The following IL1RAPL1 variants were observed in gnomAD, a reference collection of about 807,000 sequenced individuals.
IL1RAPL1 encodes interleukin 1 receptor accessory protein like 1.
Under a neutral mutation model 48.4 loss-of-function variants are expected in IL1RAPL1, and 3 were observed. The observed-to-expected ratio is 0.06, with a 90% CI of 0.03 to 0.16. The LOEUF (loss-of-function observed/expected upper bound fraction) is 0.16. Among genes scored for constraint, IL1RAPL1 ranks in the 10% least tolerant of loss-of-function variants. IL1RAPL1 has a pLI of 1.00. For synonymous variants in IL1RAPL1, 185 were observed against 187.7 expected (o/e 0.99, Z 0.12); for missense variants, 349 against 530.6 (o/e 0.66, Z 3.36).
At chrX:29,299,885 T>C (rs1932506027) in intron 3 of IL1RAPL1, among the ~76,000 whole-genome samples, 1 of 112,024 alleles carries the variant, frequency 8.9e-6, no homozygotes, top group Non-Finnish European at 1.9e-5. Context: ...GTAATGCGGG[T>C]GTGTCCTTCA....
At chrX:28,643,987 G>T (rs1304559705) in intron 1 of IL1RAPL1, among the ~76,000 whole-genome samples, 1 of 111,674 alleles carries the variant, frequency 9.0e-6, no homozygotes, top group Non-Finnish European at 1.9e-5. Flanking sequence ...AAACATCTTT[G>T]CCCTATTATG....
At chrX:29,053,347 A>T (rs934384800) in intron 2 of IL1RAPL1, among the ~76,000 whole-genome samples, 1 of 111,724 alleles carries the variant, frequency 9.0e-6, no homozygotes, top group African/African-American at 3.3e-5. Flanking sequence ...ATACACATAC[A>T]TATGTCTTTA....
intron 1 of IL1RAPL1, among the ~76,000 whole-genome samples, chrX:28,716,482 G>T (rs1935505687): frequency 9.0e-6 from 1 of 111,582 alleles, no homozygotes; most frequent in Non-Finnish European, 1.9e-5. Context: ...ATATGCAGAA[G>T]ATTGAAACTG....
intron 2 of IL1RAPL1, among the ~76,000 whole-genome samples, chrX:28,829,100 T>C (rs1920991927): frequency 8.9e-6 from 1 of 112,160 alleles, no homozygotes; most frequent in Non-Finnish European, 1.9e-5. Context: ...TTATTTTTGA[T>C]ATTATTGTAA....
chrX:29,462,243 G>A (rs1010675424), intron 5 of IL1RAPL1, among the ~76,000 whole-genome samples: 1 of 111,488 alleles, frequency 9.0e-6, no homozygotes, highest in South Asian at 3.8e-4. Context: ...TATGTTCATA[G>A]TTTTCAAGGG....
At chrX:29,566,018 G>A (rs770256573) in intron 5 of IL1RAPL1, among the ~76,000 whole-genome samples, 10 of 109,231 alleles carry the variant, frequency 9.2e-5, no homozygotes, top group Non-Finnish European at 1.7e-4. Flanking sequence ...TCGCGATTTC[G>A]GCTCACTGCA....
intron 3 of IL1RAPL1, among the ~76,000 whole-genome samples, chrX:29,379,972 A>G (rs1933673923): frequency 9.1e-6 from 1 of 109,740 alleles, no homozygotes; most frequent in African/African-American, 3.3e-5. Flanking sequence ...ACTTCATGAG[A>G]TGTATTTTTT....
intron 5 of IL1RAPL1, among the ~76,000 whole-genome samples, chrX:29,520,689 T>G (rs1223504069): frequency 8.9e-6 from 1 of 111,799 alleles, no homozygotes; most frequent in East Asian, 2.8e-4. Context: ...AGTTTGTTCT[T>G]GCTCCCAAAT....
At chrX:28,743,572 T>C (rs889409381) in intron 1 of IL1RAPL1, among the ~76,000 whole-genome samples, 4 of 110,529 alleles carry the variant, frequency 3.6e-5, no homozygotes, top group African/African-American at 1.3e-4. Context: ...AATGCTCCAA[T>C]TGGACCTCTA....
chrX:29,511,118 A>T (rs181777308), intron 5 of IL1RAPL1, among the ~76,000 whole-genome samples: 1 of 111,958 alleles, frequency 8.9e-6, no homozygotes, highest in East Asian at 2.8e-4. Context: ...TTTAGAAAGT[A>T]GAAAGTTCTT....
intron 2 of IL1RAPL1, among the ~76,000 whole-genome samples, chrX:28,957,211 C>G (rs971234164): frequency 9.0e-6 from 1 of 110,852 alleles, no homozygotes; most frequent in East Asian, 2.8e-4. Context: ...TGCAGCGCAC[C>G]AGCATGGCAC....
At chrX:29,229,696 G>A (rs1002629061) in intron 2 of IL1RAPL1, among the ~76,000 whole-genome samples, 11 of 112,224 alleles carry the variant, frequency 9.8e-5, no homozygotes, top group African/African-American at 3.2e-4. Context: ...TTTATGCCTC[G>A]CATGCAATGC....
At chrX:29,266,169 A>T (rs768582275) in intron 2 of IL1RAPL1, among the ~76,000 whole-genome samples, 1 of 111,707 alleles carries the variant, frequency 9.0e-6, no homozygotes, top group African/African-American at 3.2e-5. Flanking sequence ...ATGCACACGT[A>T]TATTTATTGC....
intron 1 of IL1RAPL1, among the ~76,000 whole-genome samples, chrX:28,624,001 G>A (rs971030952): frequency 9.0e-6 from 1 of 111,520 alleles, no homozygotes; most frequent in Non-Finnish European, 1.9e-5. Flanking sequence ...TTCAACTGTG[G>A]GAAGGAAAAA....
intron 6 of IL1RAPL1, among the ~76,000 whole-genome samples, chrX:29,816,622 A>G (rs2147180834): frequency 9.0e-6 from 1 of 111,206 alleles, no homozygotes; most frequent in Non-Finnish European, 1.9e-5. Context: ...AGACACAACA[A>G]AAAAAGAAGA....
chrX:28,814,612 G>A (rs1005799170), intron 2 of IL1RAPL1, among the ~76,000 whole-genome samples: 1 of 110,257 alleles, frequency 9.1e-6, no homozygotes, highest in African/African-American at 3.3e-5. Context: ...CTTGTGTCTT[G>A]ATTGTCTTAA....
At chrX:29,441,063 C>T (rs1195890846) in intron 5 of IL1RAPL1, among the ~76,000 whole-genome samples, 1 of 110,628 alleles carries the variant, frequency 9.0e-6, no homozygotes, top group South Asian at 3.8e-4. Context: ...CTTTTTTCTT[C>T]TGTTATTATC....
At chrX:29,093,874 G>A (rs1056425851) in intron 2 of IL1RAPL1, among the ~76,000 whole-genome samples, 1 of 111,785 alleles carries the variant, frequency 8.9e-6, no homozygotes, top group Non-Finnish European at 1.9e-5. Context: ...GGCCTGGTCT[G>A]TGGGTCCCAA....
chrX:28,940,149 A>T (rs950279291), intron 2 of IL1RAPL1, among the ~76,000 whole-genome samples: 1 of 111,679 alleles, frequency 9.0e-6, no homozygotes, highest in African/African-American at 3.2e-5. Flanking sequence ...AGAAAATTAC[A>T]TTCATAGACA....
Sources: gnomAD v4.1 joint callset for allele counts (sites outside exome capture counted in the v4.1 genomes callset) on GRCh38, gnomAD v4.1.1 for gene constraint, MANE v1.5 for transcripts, NCBI Gene and HGNC (gene_info 2026-07-23, HGNC 2026-07-21) for gene names.